MSANTD2: variants seen among roughly 807,000 people sequenced by gnomAD.
MSANTD2 encodes the protein Myb/SANT DNA binding domain containing 2, also known as myb/SANT-like DNA-binding domain-containing protein 2.
A neutral mutation model predicts 52.6 loss-of-function variants in MSANTD2; 19 were observed. That is an observed-to-expected ratio of 0.36 (90% confidence interval 0.25 to 0.53). The LOEUF is 0.53. Among genes scored for constraint, MSANTD2 ranks in the 20% least tolerant of loss-of-function variants. MSANTD2 has a pLI of 0.91. For synonymous variants in MSANTD2, 291 were observed against 289.7 expected, an observed-to-expected ratio of 1.00 and a Z score of -0.04; for missense variants, 558 against 716.3, an observed-to-expected ratio of 0.78 and a Z score of 2.52.
intron 3 of MSANTD2, among the ~76,000 whole-genome samples, chr11:124,770,296 CT>C (rs971963475): frequency 6.9e-6 from 1 of 143,910 alleles, no homozygotes. Flanking sequence ...TGTAATAACT[CT>C]TTTTTTTTGT....
chr11:124,796,600 C>A (rs2135275450), intron 1 of MSANTD2, among the ~76,000 whole-genome samples: 1 of 152,300 alleles, frequency 6.6e-6, no homozygotes, highest in East Asian at 1.9e-4. Flanking sequence ...GGAAGCGCTA[C>A]TGTACCCGGC....
In MSANTD2 at chr11:124,767,987, G is replaced by A. The variant is rs554746383; in HGVS notation, c.869C>T (p.Ser290Leu). 2.5e-6 allele frequency: 4 copies of A among 1,612,740 alleles called. No homozygotes were observed. The highest frequency in any genetic ancestry group is 3.4e-6 in the Non-Finnish European group (4 of 1,179,124). The change falls in exon 4 of 4, where the codon TCG (serine) becomes TTG (leucine). Residue 290 changes from serine to leucine, a missense_variant. Transcript: ENST00000374979. This position sits in a 1 kb window ranked among gnomAD's most constrained non-coding sequence, Gnocchi z 6.5. ...IMQNIVQILE[S>L]VQLKWELFQS... Reference sequence around the variant, plus strand: ...AAAAAGTTCCCATTTCAACTGTACCGATTCCAAAATCTGTACAATATTCTG... The same window carrying A: ...AAAAAGTTCCCATTTCAACTGTACCAATTCCAAAATCTGTACAATATTCTG...
At chr11:124,782,599 A>C (rs544045442) in intron 1 of MSANTD2, among the ~76,000 whole-genome samples, 23 of 152,222 alleles carry the variant, frequency 1.5e-4, no homozygotes, top group Non-Finnish European at 3.1e-4. Context: ...GCATATGAAA[A>C]TTATCAAATG....
chr11:124,768,751 A>G (rs933394745), intron 3 of MSANTD2, among the ~76,000 whole-genome samples: 2 of 152,234 alleles, frequency 1.3e-5, no homozygotes, highest in African/African-American at 4.8e-5. Context: ...AACATTCAAG[A>G]TAATAAATTG....
rs1445366801 is a variant in MSANTD2 at position 124,773,011 on chromosome 11, C to T, written c.810G>A (p.Glu270=). The part of the protein sequence containing the change: ...VTKRTLKIKQ[E]SSEEAQKRDI... ...CTACTTACTGTGCTTCTTCAGAAGA[C>T]TCTTGTTTTATTTTTAATGTTCTCT... The change falls in exon 3 of 4, where the codon GAG becomes GAA. Residue 270 remains glutamate, a synonymous_variant. Coordinates refer to ENST00000374979, the MANE Select transcript of MSANTD2 (RefSeq NM_001308027.2). 3 of 1,599,850 alleles carry T rather than the reference C, an allele frequency of 1.9e-6. No individual in the cohort carries two copies. The highest frequency in any genetic ancestry group is 2.2e-5 in the South Asian group (2 of 90,608).
chr11:124,775,460 G>A, intron 1 of MSANTD2: 1 of 154,564 alleles, frequency 6.5e-6, no homozygotes, highest in Non-Finnish European at 1.4e-5. Context: ...ATGAATACAG[G>A]GTAAAAATAA....
intron 1 of MSANTD2, chr11:124,784,532 A>G: frequency 1.0e-6 from 1 of 984,636 alleles, no homozygotes; most frequent in Non-Finnish European, 1.2e-6. Flanking sequence ...CCATTACAAC[A>G]TCGTATTGCT....
chr11:124,795,174 C>T (rs1945456092), intron 1 of MSANTD2, among the ~76,000 whole-genome samples: 2 of 152,154 alleles, frequency 1.3e-5, no homozygotes, highest in Admixed American at 1.3e-4. Flanking sequence ...CCACCATGCC[C>T]GGCCTCTTTT....
At chr11:124,795,637 A>G (rs576228172) in intron 1 of MSANTD2, among the ~76,000 whole-genome samples, 4 of 152,300 alleles carry the variant, frequency 2.6e-5, no homozygotes, top group South Asian at 2.1e-4. Flanking sequence ...ACAAGCTTCA[A>G]TTGGATTTTA....
At chr11:124,799,068 G>C (rs1945590390) in intron 1 of MSANTD2, among the ~76,000 whole-genome samples, 1 of 152,104 alleles carries the variant, frequency 6.6e-6, no homozygotes, top group South Asian at 2.1e-4. Flanking sequence ...CACAAGGACG[G>C]CCAGATGCAC....
intron 1 of MSANTD2, among the ~76,000 whole-genome samples, chr11:124,787,893 A>G (rs1019153449): frequency 1.3e-5 from 2 of 152,058 alleles, no homozygotes; most frequent in African/African-American, 4.8e-5. Context: ...AGGAGTTAAG[A>G]GACCAGCCTG....
chr11:124,793,639 G>T (rs542138170), intron 1 of MSANTD2, among the ~76,000 whole-genome samples: 3 of 152,306 alleles, frequency 2.0e-5, no homozygotes, highest in African/African-American at 7.2e-5. Context: ...GGCTAGTAAT[G>T]CCGTACTGGA....
chr11:124,779,814 C>T lies in MSANTD2; in HGVS notation c.511-4840G>A, dbSNP rs1472038274. ...CTTTTACCCAAATGATTAAAGAGCA[C>T]ACTTATTCACAAACAAGGCCTTAAA... On this transcript the variant is annotated intron_variant, in intron 1 of 3. Transcript: ENST00000374979. The surrounding 1 kb of genome is among the most constrained non-coding windows in gnomAD (Gnocchi z 4.6). Among the ~76,000 whole-genome samples the T allele has an allele frequency of 6.6e-6, 1 of 152,164 alleles. No individual in the cohort carries two copies. Among genetic ancestry groups the T allele is most frequent in the Non-Finnish European group, 1.5e-5 (1 of 68,034 alleles).
In MSANTD2 at chr11:124,800,199, G is replaced by A; in HGVS notation, c.182C>T (p.Ala61Val). The A allele has an allele frequency of 2.7e-6, 4 of 1,471,998 alleles. No homozygotes were observed. The highest frequency in any genetic ancestry group is 6.0e-5 in the East Asian group (2 of 33,370). The allele number at this position is 1,471,998 out of a possible 1,614,324, so 91.2% of individuals were successfully genotyped here. A position where few individuals can be genotyped will look rare whatever the true frequency, so the allele number is the denominator to read the frequency against. The part of the protein sequence containing the change: ...GPGSAAGSGA[A>V]ASGGLGLGLG... ...CCCCAGCCCGAGACCCCCGGACGCCGCTGCCCCCGAGCCCGCCGCACTGCC... is the reference window on the plus strand; with the variant it reads ...CCCCAGCCCGAGACCCCCGGACGCCACTGCCCCCGAGCCCGCCGCACTGCC... Residue 61 changes from alanine to valine, a missense_variant, in exon 1 of 4, where the codon GCG (alanine) becomes GTG (valine). This residue lies in a region of MSANTD2 where 150 missense variants were observed against 142.7 expected (regional missense o/e 1.05). Transcript: ENST00000374979. The surrounding 1 kb of genome is among the most constrained non-coding windows in gnomAD (Gnocchi z 4.3).
chr11:124,799,500 C>T (rs1010220962), intron 1 of MSANTD2, among the ~76,000 whole-genome samples: 2 of 152,214 alleles, frequency 1.3e-5, no homozygotes, highest in African/African-American at 2.4e-5. Flanking sequence ...AAGCCTCTGC[C>T]TGGGAGCCCC....
intron 2 of MSANTD2, chr11:124,773,273 A>G (rs1340647874): frequency 2.9e-6 from 1 of 348,538 alleles, no homozygotes; most frequent in African/African-American, 2.1e-5. Flanking sequence ...TACAAGTATA[A>G]AATTCTTCAA....
chr11:124,786,738 A>T (rs1945173944), intron 1 of MSANTD2, among the ~76,000 whole-genome samples: 1 of 152,222 alleles, frequency 6.6e-6, no homozygotes, highest in South Asian at 2.1e-4. Context: ...GAATTTAAAA[A>T]ATTCTTTTCA....
intron 3 of MSANTD2, among the ~76,000 whole-genome samples, chr11:124,769,408 AGAG>A (rs1944419206): frequency 6.6e-6 from 1 of 152,200 alleles, no homozygotes; most frequent in South Asian, 2.1e-4. Flanking sequence ...TCCTCTTCTC[AGAG>A]GAGACAAAAG....
intron 1 of MSANTD2, among the ~76,000 whole-genome samples, chr11:124,782,011 C>T (rs796925512): frequency 1.1e-4 from 17 of 152,310 alleles, no homozygotes; most frequent in African/African-American, 4.1e-4. Context: ...TTTAACTTCC[C>T]TGCAGCATTT....
Sources: allele counts gnomAD v4.1 joint callset (sites outside exome capture counted in the v4.1 genomes callset), GRCh38; gene constraint gnomAD v4.1.1; regional missense constraint gnomAD v4.1.1; non-coding constraint Gnocchi (gnomAD v3.1); transcripts MANE v1.5; gene names NCBI Gene and HGNC (gene_info 2026-07-23, HGNC 2026-07-21).